RBM47: variants seen among roughly 807,000 people sequenced by gnomAD.
RBM47 encodes RNA binding motif protein 47.
Under a neutral mutation model 47.1 loss-of-function variants are expected in RBM47, and 21 were observed. That is an observed-to-expected ratio of 0.45 (90% CI 0.32 to 0.64). The LOEUF (loss-of-function observed/expected upper bound fraction) is 0.64. RBM47 is among the 30% of genes least tolerant of loss of function. RBM47 has a pLI of 0.05. For synonymous variants in RBM47, 375 were observed against 361.7 expected, an observed-to-expected ratio of 1.04 and a Z score of -0.42; for missense variants, 708 against 870.9, an observed-to-expected ratio of 0.81 and a Z score of 2.35.
chr4:40,579,119 A>T (rs4861249), intron 1 of RBM47, among the ~76,000 whole-genome samples: 80,196 of 145,860 alleles, frequency 0.55, 23,192 homozygotes, highest in Non-Finnish European at 0.64. Context: ...ACTCTATCTT[A>T]AATTAAAAAA....
At chr4:40,592,966 TATATATATATA>T in intron 1 of RBM47, among the ~76,000 whole-genome samples, 3 of 18,194 alleles carry the variant, frequency 1.6e-4, no homozygotes, top group Admixed American at 8.6e-4. Context: ...TATATATATA[TATATATATATA>T]TATTTTTTTT....
rs1267760977 is a variant in RBM47, at chr4:40,437,891, C to T, written c.1003G>A (p.Gly335Ser). 1 of 1,613,944 alleles carries T rather than the reference C, an allele frequency of 6.2e-7. No individual in the cohort carries two copies. The highest frequency in any genetic ancestry group is 1.1e-5 in the South Asian group (1 of 91,076). The change falls in exon 4 of 7, where the codon GGC becomes AGC. Residue 335 changes from glycine to serine, a missense_variant. Physicochemically the swap from Gly to Ser is moderately conservative, Grantham distance 56. Transcript: ENST00000295971. Reference sequence around the variant, plus strand: ...GGCTGCTGCGCTGCCTCAGCCGCGCCGCCGCCCCTGGCTGCCTTCTGGTAG... The same window carrying T: ...GGCTGCTGCGCTGCCTCAGCCGCGCTGCCGCCCCTGGCTGCCTTCTGGTAG... The part of the protein sequence containing the change: ...SRYQKAARGG[G>S]AAEAAQQPSY...
At chr4:40,490,353 C>A (rs1244814934) in intron 2 of RBM47, among the ~76,000 whole-genome samples, 1 of 152,026 alleles carries the variant, frequency 6.6e-6, no homozygotes, top group Non-Finnish European at 1.5e-5. Flanking sequence ...AAACTCTGTT[C>A]ATAGATGACG....
chr4:40,462,176 T>A (rs1227039551), intron 3 of RBM47, among the ~76,000 whole-genome samples: 1 of 152,134 alleles, frequency 6.6e-6, no homozygotes, highest in Non-Finnish European at 1.5e-5. Flanking sequence ...TGGGGAGTCT[T>A]TGTACTTTTC....
intron 3 of RBM47, among the ~76,000 whole-genome samples, chr4:40,462,897 A>AT (rs1001944018): frequency 2.6e-5 from 4 of 152,180 alleles, no homozygotes; most frequent in South Asian, 2.1e-4. Context: ...TTTGGCAATG[A>AT]TTTTTTGGAC....
chr4:40,500,656 C>T lies in RBM47; in HGVS notation c.-154-33957G>A, dbSNP rs1370331925. Among the ~76,000 whole-genome samples the T allele has an allele frequency of 2.0e-5, 3 of 152,008 alleles. No homozygotes were observed. The East Asian group carries it at 5.8e-4, about 29-fold the overall frequency. On this transcript the variant is annotated intron_variant, in intron 2 of 6. Transcript: ENST00000295971. ...CATCTACTTGACCCTAAACAACTTG[C>T]CTTAATTTTGTACTTAATGAATTGG...
At chr4:40,584,146 T>C (rs77466391) in intron 1 of RBM47, among the ~76,000 whole-genome samples, 2 of 152,130 alleles carry the variant, frequency 1.3e-5, no homozygotes, top group African/African-American at 2.4e-5. Flanking sequence ...GTGTTTTTTA[T>C]AGAGATGGAG....
At chr4:40,568,984 AAGATAGATAGATAGAT>A (rs60078594) in intron 1 of RBM47, among the ~76,000 whole-genome samples, 158 of 145,278 alleles carry the variant, frequency 1.1e-3, no homozygotes, top group African/African-American at 4.0e-3. Context: ...TCTGTCTCAA[AAGATAGATAGATAGAT>A]AGATAGATAG....
At chr4:40,592,257 CTT>C (rs55974728) in intron 1 of RBM47, among the ~76,000 whole-genome samples, 59 of 139,234 alleles carry the variant, frequency 4.2e-4, no homozygotes, top group Admixed American at 2.2e-4. Flanking sequence ...TTTTCTTTTA[CTT>C]TTTTTTTTTT....
intron 2 of RBM47, among the ~76,000 whole-genome samples, chr4:40,528,988 T>A (rs150695395): frequency 8.1e-4 from 121 of 149,098 alleles, no homozygotes; most frequent in African/African-American, 2.9e-3. Context: ...AAATAAATAA[T>A]AAAGAAAGAA....
intron 3 of RBM47, among the ~76,000 whole-genome samples, chr4:40,461,540 C>T (rs535405357): frequency 5.3e-5 from 8 of 152,270 alleles, no homozygotes; most frequent in African/African-American, 9.6e-5. Flanking sequence ...CAGCAGCCCA[C>T]GTTGCTGAGG....
intron 2 of RBM47, among the ~76,000 whole-genome samples, chr4:40,536,789 G>A (rs1423512133): frequency 6.6e-6 from 1 of 151,638 alleles, no homozygotes; most frequent in African/African-American, 2.4e-5. Context: ...GCAGTGGCAT[G>A]ATCTCAGCTC....
At chr4:40,473,842 C>T (rs1190546243) in intron 2 of RBM47, among the ~76,000 whole-genome samples, 1 of 152,182 alleles carries the variant, frequency 6.6e-6, no homozygotes, top group African/African-American at 2.4e-5. Context: ...AAATTATCCA[C>T]CTCTTTCAAA....
At chr4:40,460,409 C>T (rs746117557) in intron 3 of RBM47, among the ~76,000 whole-genome samples, 5 of 152,188 alleles carry the variant, frequency 3.3e-5, no homozygotes, top group Non-Finnish European at 2.9e-5. Flanking sequence ...TGCTTGAGCT[C>T]GAGCTCCTGC....
chr4:40,547,830 T>C (rs1377408467), intron 1 of RBM47, among the ~76,000 whole-genome samples: 1 of 152,200 alleles, frequency 6.6e-6, no homozygotes, highest in Non-Finnish European at 1.5e-5. Flanking sequence ...AGCTAAACCA[T>C]TACAGTATGA....
chr4:40,433,108 A>G (rs1421113919), intron 5 of RBM47, among the ~76,000 whole-genome samples: 1 of 152,046 alleles, frequency 6.6e-6, no homozygotes, highest in Non-Finnish European at 1.5e-5. Context: ...CTACAGGTAC[A>G]GGCCACCTTG....
intron 2 of RBM47, among the ~76,000 whole-genome samples, chr4:40,477,718 G>A (rs1456954387): frequency 6.6e-6 from 1 of 152,130 alleles, no homozygotes; most frequent in African/African-American, 2.4e-5. Flanking sequence ...AGGGGGTAAG[G>A]AGAGAGCAAT....
At chr4:40,564,278 T>C (rs760157751) in intron 1 of RBM47, among the ~76,000 whole-genome samples, 1 of 152,194 alleles carries the variant, frequency 6.6e-6, no homozygotes, top group Admixed American at 6.5e-5. Context: ...TTTCCTCTTC[T>C]GGCTGACTGG....
intron 2 of RBM47, chr4:40,515,726 A>G (rs1433379262): frequency 4.6e-5 from 7 of 152,230 alleles, no homozygotes; most frequent in Non-Finnish European, 5.9e-5. Context: ...CCTCATCTAT[A>G]AAGTACAAAT....
Sources: gnomAD v4.1 joint callset for allele counts (sites outside exome capture counted in the v4.1 genomes callset) on GRCh38, gnomAD v4.1.1 for gene constraint, MANE v1.5 for transcripts, NCBI Gene and HGNC (gene_info 2026-07-23, HGNC 2026-07-21) for gene names.